The following LINGO2 variants were observed in gnomAD, a reference collection of about 807,000 sequenced individuals.
LINGO2 encodes leucine rich repeat and Ig domain containing 2, also known as leucine-rich repeat and immunoglobulin-like domain-containing nogo receptor-interacting protein 2.
In LINGO2, 14 loss-of-function variants were observed where a neutral mutation model predicts 30.6. The observed-to-expected ratio is 0.46, with a 90% confidence interval of 0.30 to 0.72. The LOEUF (loss-of-function observed/expected upper bound fraction) is 0.72, where lower values mean the gene tolerates loss of function less well. LINGO2 is among the 30% of genes least tolerant of loss of function. The pLI is 0.07. For missense variants in LINGO2, 729 were observed against 751.7 expected, an observed-to-expected ratio of 0.97 and a Z score of 0.35; for synonymous variants, 317 against 288.5, an observed-to-expected ratio of 1.10 and a Z score of -1.00.
At chr9:28,378,595 C>T (rs1821220179) in intron 2 of LINGO2, among the ~76,000 whole-genome samples, 1 of 152,172 alleles carries the variant, frequency 6.6e-6, no homozygotes, top group South Asian at 2.1e-4. Flanking sequence ...TTGCTCCCTA[C>T]TGACTGATGA....
chr9:28,383,915 A>T (rs1821460326), intron 2 of LINGO2, among the ~76,000 whole-genome samples: 1 of 152,066 alleles, frequency 6.6e-6, no homozygotes, highest in African/African-American at 2.4e-5. Flanking sequence ...TGTTAAAAGA[A>T]TCTGGGGTAG....
chr9:29,009,586 A>G, the LINGO2 span, among the ~76,000 whole-genome samples: 4 of 152,162 alleles, frequency 2.6e-5, no homozygotes, highest in African/African-American at 7.2e-5. Context: ...AATCAATATC[A>G]TGAAAATGGC....
chr9:28,326,077 G>A (rs948468394), intron 3 of LINGO2, among the ~76,000 whole-genome samples: 1 of 152,122 alleles, frequency 6.6e-6, no homozygotes, highest in African/African-American at 2.4e-5. Flanking sequence ...CGTGATCTTG[G>A]CTCACTGCAA....
At chr9:28,282,739 A>G (rs1010197622) in intron 4 of LINGO2, among the ~76,000 whole-genome samples, 2 of 152,110 alleles carry the variant, frequency 1.3e-5, no homozygotes, top group Non-Finnish European at 2.9e-5. Context: ...GGTTTGAGAA[A>G]TTCTACAAGT....
chr9:28,944,144 T>C, the LINGO2 span, among the ~76,000 whole-genome samples: 221 of 152,316 alleles, frequency 1.5e-3, no homozygotes, highest in Non-Finnish European at 2.7e-3. Flanking sequence ...TAGACAGTTA[T>C]CTTTGTCTGT....
At chr9:28,111,226 G>A (rs9722119) in intron 4 of LINGO2, among the ~76,000 whole-genome samples, 17,474 of 151,872 alleles carry the variant, frequency 0.12, 1,255 homozygotes, top group South Asian at 0.19. Context: ...TCACACACCC[G>A]GGCCTATCGG....
intron 4 of LINGO2, among the ~76,000 whole-genome samples, chr9:28,233,582 A>G (rs1485427433): frequency 1.3e-5 from 2 of 152,218 alleles, no homozygotes; most frequent in Non-Finnish European, 1.5e-5. Context: ...CTTCAAAGTA[A>G]CTTCTTTTTA....
intron 4 of LINGO2, among the ~76,000 whole-genome samples, chr9:28,059,672 G>A (rs1825081318): frequency 1.3e-5 from 2 of 152,108 alleles, no homozygotes; most frequent in Admixed American, 1.3e-4. Flanking sequence ...AGCATTTATA[G>A]AACACATTTA....
In LINGO2 at chr9:28,031,733, G is replaced by A. The variant is rs184113709; in HGVS notation, c.-86-19328C>T. 2.0e-5 allele frequency among the ~76,000 whole-genome samples: 3 copies of A among 152,264 alleles called. No individual in the cohort carries two copies. The East Asian group carries it at 5.8e-4, about 29-fold the overall frequency. On this transcript the variant is annotated intron_variant, in intron 4 of 5. Coordinates refer to ENST00000379992, the Ensembl canonical transcript of LINGO2. ...GTCCAGGGCTGATTGGGAATACCTGGGAGACCTCTGCCAGCTCCCTTTCAG... is the reference window on the plus strand; with the variant it reads ...GTCCAGGGCTGATTGGGAATACCTGAGAGACCTCTGCCAGCTCCCTTTCAG...
chr9:29,081,023 C>T, the LINGO2 span, among the ~76,000 whole-genome samples: 1 of 152,002 alleles, frequency 6.6e-6, no homozygotes, highest in South Asian at 2.1e-4. Context: ...ACCATTCCTT[C>T]TGAAACTATT....
At chr9:28,268,248 T>G (rs1233260227) in intron 4 of LINGO2, among the ~76,000 whole-genome samples, 1 of 152,030 alleles carries the variant, frequency 6.6e-6, no homozygotes, top group Non-Finnish European at 1.5e-5. Context: ...TTTGAGAGGA[T>G]GATGTCTGGT....
the LINGO2 span, among the ~76,000 whole-genome samples, chr9:28,773,348 G>T: frequency 3.5e-5 from 5 of 144,298 alleles, no homozygotes; most frequent in Admixed American, 2.8e-4. Context: ...CTGGGCGACA[G>T]AGCAAGACTC....
At chr9:29,145,639 C>A in the LINGO2 span, among the ~76,000 whole-genome samples, 4 of 152,092 alleles carry the variant, frequency 2.6e-5, no homozygotes, top group Non-Finnish European at 1.5e-5. Context: ...ACAATTTTCC[C>A]AACTAAATTT....
In LINGO2 at chr9:28,226,607, AAAGGTAAG is replaced by A. The variant is rs1281089558; in HGVS notation, c.-87+68593_-87+68600del. Among the ~76,000 whole-genome samples, 8 of 141,504 alleles carry A rather than the reference AAAGGTAAG, an allele frequency of 5.7e-5. No individual in the cohort carries two copies. In the South Asian group the frequency reaches 1.1e-3, roughly 20 times the overall value. The allele number at this position is 141,504 out of a possible 152,430, so 92.8% of individuals were successfully genotyped here. On this transcript the variant is annotated intron_variant, in intron 4 of 5. Coordinates refer to ENST00000379992, the Ensembl canonical transcript of LINGO2. ...AGAGAAAGAAAAAAGAAAGAAAGAA[AAAGGTAAG>A]AAGGAAAGAAGGAAAGAAGGAAAGA...
intron 5 of LINGO2, among the ~76,000 whole-genome samples, chr9:27,993,715 C>T (rs141173270): frequency 1.3e-5 from 2 of 152,184 alleles, no homozygotes; most frequent in Non-Finnish European, 2.9e-5. Context: ...GTCTTCACTA[C>T]TTTAATTATA....
chr9:28,976,291 A>G, the LINGO2 span, among the ~76,000 whole-genome samples: 1 of 152,144 alleles, frequency 6.6e-6, no homozygotes, highest in East Asian at 1.9e-4. Flanking sequence ...AGAACCCTAG[A>G]CAGTGATCTC....
At chr9:29,206,287 G>T in the LINGO2 span, among the ~76,000 whole-genome samples, 2 of 152,068 alleles carry the variant, frequency 1.3e-5, no homozygotes, top group African/African-American at 4.8e-5. Flanking sequence ...ATTATTATGA[G>T]CATTTGTAAT....
intron 1 of LINGO2, among the ~76,000 whole-genome samples, chr9:28,597,588 T>A (rs1287160304): frequency 1.3e-5 from 2 of 152,204 alleles, no homozygotes; most frequent in Non-Finnish European, 2.9e-5. Context: ...CGTTATCAGA[T>A]GCAGCTATTT....
intron 4 of LINGO2, among the ~76,000 whole-genome samples, chr9:28,131,621 T>C (rs563243049): frequency 6.6e-6 from 1 of 152,292 alleles, no homozygotes; most frequent in South Asian, 2.1e-4. Context: ...GTTTAGCTGG[T>C]AATTTTTTTA....
Sources: gnomAD v4.1 joint callset for allele counts (sites outside exome capture counted in the v4.1 genomes callset) on GRCh38, gnomAD v4.1.1 for gene constraint, MANE v1.5 for transcripts, NCBI Gene and HGNC (gene_info 2026-07-23, HGNC 2026-07-21) for gene names.